FOXP2: variants seen among roughly 807,000 people sequenced by gnomAD.
FOXP2 encodes forkhead box protein P2.
Under a neutral mutation model 115.8 loss-of-function variants are expected in FOXP2, and 12 were observed. The ratio of observed to expected loss-of-function variants is 0.10; its 90% CI spans 0.07 to 0.17. The LOEUF (loss-of-function observed/expected upper bound fraction) is 0.17, where lower values mean the gene tolerates loss of function less well. Ranked by LOEUF, FOXP2 falls within the 10% of genes least tolerant of loss-of-function variation. The pLI, the probability that FOXP2 is intolerant of heterozygous loss-of-function variation, is 1.00. For missense variants in FOXP2, 629 were observed against 843.5 expected (o/e 0.75, Z 3.15); for synonymous variants, 328 against 297.7 (o/e 1.10, Z -1.05).
At chr7:114,116,914 G>A (rs1791423132) in intron 1 of FOXP2, among the ~76,000 whole-genome samples, 2 of 152,104 alleles carry the variant, frequency 1.3e-5, no homozygotes, top group South Asian at 4.2e-4. Context: ...CCAGTCCAAG[G>A]TAATCCTTTG....
chr7:114,658,442 A>G (rs916386303), intron 11 of FOXP2, among the ~76,000 whole-genome samples, 175 bp downstream of exon 11: 9 of 152,244 alleles, frequency 5.9e-5, no homozygotes, highest in Admixed American at 1.3e-4. Flanking sequence ...GCACATCATG[A>G]TGAATTGTTC....
In FOXP2 at chr7:114,689,299, C is replaced by T. The variant is rs552101297; in HGVS notation, c.2004-483C>T. The stretch of plus-strand genomic sequence containing the variant: ...GTTAGTATTTGTTTCAACAAACACC[C>T]AATCTAGCTTATACTGGAGAGTTTA... On this transcript the variant is annotated intron_variant, in intron 16 of 16. Transcript: ENST00000350908. Among the ~76,000 whole-genome samples the T allele has an allele frequency of 1.1e-4, 17 of 151,870 alleles. No individual in the cohort carries two copies. In the South Asian group the frequency reaches 3.5e-3, roughly 32 times the overall value.
intron 1 of FOXP2, among the ~76,000 whole-genome samples, chr7:114,287,354 A>C (rs1359960579): frequency 6.6e-6 from 1 of 152,152 alleles, no homozygotes; most frequent in Non-Finnish European, 1.5e-5. Context: ...GTTGGACAAG[A>C]CTGAGCTATA....
At chr7:114,250,537 T>A (rs1157219389) in intron 1 of FOXP2, among the ~76,000 whole-genome samples, 1 of 152,234 alleles carries the variant, frequency 6.6e-6, no homozygotes, top group African/African-American at 2.4e-5. Context: ...TGCATTTCCC[T>A]GATGGCCAGT....
At chr7:114,367,603 A>G (rs1791911597) in intron 2 of FOXP2, among the ~76,000 whole-genome samples, 1 of 152,208 alleles carries the variant, frequency 6.6e-6, no homozygotes, top group Non-Finnish European at 1.5e-5. Flanking sequence ...GAATACATTC[A>G]GTACAACTCT....
intron 2 of FOXP2, among the ~76,000 whole-genome samples, chr7:114,356,377 T>C (rs563443913): frequency 6.6e-6 from 1 of 152,276 alleles, no homozygotes; most frequent in South Asian, 2.1e-4. Context: ...ATAAAGACCA[T>C]TCTGTTAATT....
At chr7:114,399,854 T>G in intron 2 of FOXP2, among the ~76,000 whole-genome samples, 1 of 151,532 alleles carries the variant, frequency 6.6e-6, no homozygotes, top group East Asian at 1.9e-4. Flanking sequence ...ATTTTCTTTT[T>G]TTTTTTTTTT....
intron 1 of FOXP2, among the ~76,000 whole-genome samples, chr7:114,135,710 C>T (rs13246732): frequency 0.23 from 34,577 of 151,940 alleles, 5,165 homozygotes; most frequent in Non-Finnish European, 0.33. Flanking sequence ...AAAGAGAAAT[C>T]TATGATGTAT....
At chr7:114,294,889 T>C (rs901552199) in intron 2 of FOXP2, among the ~76,000 whole-genome samples, 1 of 151,904 alleles carries the variant, frequency 6.6e-6, no homozygotes, top group African/African-American at 2.4e-5. Context: ...CATACATACA[T>C]ACATACATGC....
intron 1 of FOXP2, among the ~76,000 whole-genome samples, chr7:114,130,492 G>T (rs549640131): frequency 3.2e-4 from 48 of 152,264 alleles, no homozygotes; most frequent in African/African-American, 1.1e-3. Context: ...TTAGGAAAAA[G>T]AAAGTTTCTA....
At chr7:114,575,150 T>C (rs78033883) in intron 3 of FOXP2, among the ~76,000 whole-genome samples, 12,856 of 151,906 alleles carry the variant, frequency 0.085, 614 homozygotes, top group Middle Eastern at 0.16. Flanking sequence ...CTTTCTGGTT[T>C]GATAACTGGG....
chr7:114,573,247 T>C (rs770693062), intron 3 of FOXP2, among the ~76,000 whole-genome samples: 1 of 151,872 alleles, frequency 6.6e-6, no homozygotes, highest in Non-Finnish European at 1.5e-5. Context: ...TATTTTCCTT[T>C]ATTGATTACC....
At chr7:114,208,255 C>G (rs1004784923) in intron 1 of FOXP2, among the ~76,000 whole-genome samples, 3 of 152,180 alleles carry the variant, frequency 2.0e-5, no homozygotes, top group African/African-American at 7.2e-5. Context: ...CAAAGGAGAT[C>G]ATTTTGGAGC....
At position 114,324,204 on chromosome 7, in the gene FOXP2, G is replaced by A. The variant is rs557787734; in HGVS notation, c.-11+36095G>A. On this transcript the variant is annotated intron_variant, in intron 2 of 17. Transcript: ENST00000634411. Reference sequence around the variant, plus strand: ...TTTTAAAAAAATATTTCTTTCAAATGTGTTTATTTTTTTCACTTCTTTGAC... The same window carrying A: ...TTTTAAAAAAATATTTCTTTCAAATATGTTTATTTTTTTCACTTCTTTGAC... 2.0e-5 allele frequency among the ~76,000 whole-genome samples: 3 copies of A among 151,828 alleles called. No individual in the cohort carries two copies. In the East Asian group the frequency reaches 5.8e-4, roughly 29 times the overall value.
At chr7:114,348,039 A>G (rs993452299) in intron 2 of FOXP2, among the ~76,000 whole-genome samples, 3 of 152,052 alleles carry the variant, frequency 2.0e-5, no homozygotes, top group Non-Finnish European at 4.4e-5. Flanking sequence ...TGCCTTTACT[A>G]TTTTTTAATC....
chr7:114,498,562 A>T (rs929225685), intron 2 of FOXP2, among the ~76,000 whole-genome samples: 1 of 152,232 alleles, frequency 6.6e-6, no homozygotes, highest in East Asian at 1.9e-4. Context: ...CACTGAAGCA[A>T]CATTTAGTAA....
intron 1 of FOXP2, among the ~76,000 whole-genome samples, chr7:114,260,234 A>C (rs1016926371): frequency 2.0e-5 from 3 of 151,340 alleles, no homozygotes; most frequent in African/African-American, 4.9e-5. Flanking sequence ...AACAACAACA[A>C]CACCGCCAAA....
rs926795513 is a variant in FOXP2, at chr7:114,104,067, C to T, written c.-247+16229C>T. Among the ~76,000 whole-genome samples the T allele has an allele frequency of 6.4e-4, 96 of 150,436 alleles. 1 individual carries two copies. The highest frequency in any genetic ancestry group is 1.5e-4 in the Non-Finnish European group (10 of 67,480). ...TTCTGAGTGTTTAAGATTTTTGGTT[C>T]GTAGGTCTAGGTGGTTGCCATTGTG... On this transcript the variant is annotated intron_variant, in intron 1 of 19. Coordinates refer to the FOXP2 transcript ENST00000635638.
intron 2 of FOXP2, among the ~76,000 whole-genome samples, chr7:114,504,351 T>C (rs1053798305): frequency 3.3e-5 from 5 of 151,636 alleles, no homozygotes; most frequent in Non-Finnish European, 5.9e-5. Context: ...CAAGAGAGTG[T>C]TGAGCCATGA....
Sources: allele counts gnomAD v4.1 joint callset (sites outside exome capture counted in the v4.1 genomes callset), GRCh38; gene constraint gnomAD v4.1.1; transcripts MANE v1.5; gene names NCBI Gene and HGNC (gene_info 2026-07-23, HGNC 2026-07-21).